LTA4H: variants seen among roughly 807,000 people sequenced by gnomAD.
LTA4H encodes leukotriene A4 hydrolase, also known as leukotriene A-4 hydrolase.
In LTA4H, 59 loss-of-function variants were observed where a neutral mutation model predicts 89.8. The ratio of observed to expected loss-of-function variants is 0.66; its 90% CI spans 0.53 to 0.82. The LOEUF is 0.82. Among genes scored for constraint, LTA4H ranks in the 40% least tolerant of loss-of-function variants. LTA4H has a pLI of 0.00. For missense variants in LTA4H, 617 were observed against 727.0 expected, an observed-to-expected ratio of 0.85 and a Z score of 1.74; for synonymous variants, 227 against 253.1, an observed-to-expected ratio of 0.90 and a Z score of 0.98.
At chr12:96,008,111 G>A (rs780119120) in intron 15 of LTA4H, among the ~76,000 whole-genome samples, 2 of 152,174 alleles carry the variant, frequency 1.3e-5, no homozygotes, top group Non-Finnish European at 2.9e-5. Context: ...GTACCTGGGT[G>A]ATGGGATCAA....
intron 1 of LTA4H, among the ~76,000 whole-genome samples, chr12:96,033,515 C>A (rs2300557): frequency 6.6e-6 from 1 of 152,058 alleles, no homozygotes; most frequent in African/African-American, 2.4e-5. Context: ...GAATGTAGGA[C>A]GTATAAACTC....
chr12:96,000,904 T>A lies in LTA4H; in HGVS notation c.*85A>T. 1 of 1,007,258 alleles carries A rather than the reference T, an allele frequency of 9.9e-7. No homozygotes were observed. The highest frequency in any genetic ancestry group is 1.5e-6 in the Non-Finnish European group (1 of 646,582). 62.4% of individuals were successfully genotyped at this position (1,007,258 alleles called of 1,614,324 possible). On this transcript the variant is annotated 3_prime_UTR_variant, in exon 19 of 19. Transcript: ENST00000228740. ...TAAAAAGCCAAAACTAAAAAGACAG[T>A]TTTAATTGTGAGCTGAAGTTTTATA... is the stretch of plus-strand genomic sequence containing the variant.
chr12:96,017,490 G>T, intron 9 of LTA4H, 67 bp downstream of exon 9: 1 of 1,301,578 alleles, frequency 7.7e-7, no homozygotes, highest in South Asian at 1.2e-5. Context: ...AAATACAAGG[G>T]ATATTTTAAA....
At chr12:96,021,060 C>T in intron 6 of LTA4H, 25 bp downstream of exon 6, 2 of 1,595,328 alleles carry the variant, frequency 1.3e-6, no homozygotes, top group Non-Finnish European at 1.7e-6. Context: ...TTTCCACAAA[C>T]CTGAAAATTT....
intron 10 of LTA4H, among the ~76,000 whole-genome samples, chr12:96,016,390 C>G (rs915133596): frequency 6.7e-6 from 1 of 149,388 alleles, no homozygotes; most frequent in African/African-American, 2.5e-5. Context: ...GTGGGCGGAT[C>G]ACTTGAGCTC....
At chr12:96,033,959 C>T (rs902538061) in intron 1 of LTA4H, among the ~76,000 whole-genome samples, 1 of 152,186 alleles carries the variant, frequency 6.6e-6, no homozygotes, top group Non-Finnish European at 1.5e-5. Context: ...AATTTTCTTT[C>T]TTATGGTACT....
chr12:96,005,960 C>A (rs1392912805), intron 16 of LTA4H, among the ~76,000 whole-genome samples: 1 of 152,010 alleles, frequency 6.6e-6, no homozygotes, highest in Non-Finnish European at 1.5e-5. Flanking sequence ...GTTGGCCAGG[C>A]TGGTCTCGAA....
At chr12:96,003,329 C>T (rs1482817913) in intron 17 of LTA4H, among the ~76,000 whole-genome samples, 2 of 152,004 alleles carry the variant, frequency 1.3e-5, no homozygotes, top group East Asian at 3.9e-4. Context: ...GCTCACATAC[C>T]TTATAAATCC....
chr12:96,010,042 C>T (rs879936621), intron 14 of LTA4H: 1 of 152,224 alleles, frequency 6.6e-6, no homozygotes, highest in Non-Finnish European at 1.5e-5. Context: ...CTGTGGACTG[C>T]AGGCATGCCA....
chr12:96,035,779 G>A (rs754848178), upstream of LTA4H: 3 of 667,832 alleles, frequency 4.5e-6, no homozygotes, highest in South Asian at 6.3e-5. Context: ...GGGGGACCAA[G>A]CGTGCTCCTG....
chr12:96,041,184 G>T (rs893002544), intron 1 of LTA4H, among the ~76,000 whole-genome samples: 1 of 151,784 alleles, frequency 6.6e-6, no homozygotes, highest in Non-Finnish European at 1.5e-5. Flanking sequence ...TATTATATTT[G>T]TATGCTTTTA....
Position 96,021,016 on chromosome 12 carries a change from C to A in LTA4H, c.638+69G>T, listed in dbSNP as rs1482238011. On this transcript the variant is annotated intron_variant, in intron 6 of 18. Transcript: ENST00000228740. ...ATATGCAAATGATTGACCAATTAACCTTGAGAGAAGTTCAAGATGCCTAAG... is the reference window on the plus strand; with the variant it reads ...ATATGCAAATGATTGACCAATTAACATTGAGAGAAGTTCAAGATGCCTAAG... 1.0e-5 allele frequency: 13 copies of A among 1,242,342 alleles called. No individual in the cohort carries two copies. The South Asian group carries it at 1.4e-4, about 13-fold the overall frequency. The allele number at this position is 1,242,342 out of a possible 1,614,324, so 77.0% of individuals were successfully genotyped here. A position where few individuals can be genotyped will look rare whatever the true frequency, so the allele number is the denominator to read the frequency against.
chr12:96,035,010 A>T (rs1950621597), intron 1 of LTA4H, among the ~76,000 whole-genome samples: 1 of 152,248 alleles, frequency 6.6e-6, no homozygotes, highest in South Asian at 2.1e-4. Context: ...GGGCTACTGC[A>T]AAGATGACAC....
In LTA4H at chr12:96,001,053, T is replaced by TC; in HGVS notation, c.1771dup (p.Glu591GlyfsTer36). Reference sequence around the variant, plus strand: ...CACGGGATGCATGCTTGCTTTGTGCTCTTGGTAGGTTCGGACAGCTTGATC... The same window carrying TC: ...CACGGGATGCATGCTTGCTTTGTGCTCCTTGGTAGGTTCGGACAGCTTGATC... On this transcript the variant is annotated frameshift_variant, in exon 19 of 19. Transcript: ENST00000228740. LOFTEE classifies it high-confidence loss of function. The TC allele has an allele frequency of 6.2e-7, 1 of 1,614,124 alleles. No homozygotes were observed. The highest frequency in any genetic ancestry group is 8.5e-7 in the Non-Finnish European group (1 of 1,180,024).
At position 96,041,991 on chromosome 12, in the gene LTA4H, T is replaced by G. The variant is rs568706891; in HGVS notation, c.87+1298A>C. Among the ~76,000 whole-genome samples, 511 of 144,776 alleles carry G rather than the reference T, an allele frequency of 3.5e-3. 2 individuals carry two copies. Among genetic ancestry groups the G allele is most frequent in the Non-Finnish European group, 5.5e-3 (368 of 66,736 alleles). The allele number at this position is 144,776 out of a possible 152,430, so 95.0% of individuals were successfully genotyped here. On this transcript the variant is annotated intron_variant, in intron 1 of 17. Transcript: ENST00000413268. ...GTTTCTTTTTGTTTTTTTTTCTTTT[T>G]TTTTTTTTTTTTGACAGGGTCTTGC...
In LTA4H at chr12:96,006,464, T is replaced by C. The variant is rs181324888; in HGVS notation, c.1435-55A>G. 141 of 979,132 alleles carry C rather than the reference T, an allele frequency of 1.4e-4. No individual in the cohort carries two copies. In the African/African-American group the frequency reaches 1.9e-3, roughly 13 times the overall value. The allele number at this position is 979,132 out of a possible 1,614,324, so 60.7% of individuals were successfully genotyped here. A position where few individuals can be genotyped will look rare whatever the true frequency, so the allele number is the denominator to read the frequency against. On this transcript the variant is annotated intron_variant, in intron 15 of 18. Coordinates refer to ENST00000228740, the MANE Select transcript of LTA4H (RefSeq NM_000895.3). ...TTCAAGTACAATTTAATAATACTTA[T>C]TGGTTTATCTGACATAAAAGTAAAA...
rs1229346855 is a variant in LTA4H at position 96,027,428 on chromosome 12, C to T, written c.411+16G>A. On this transcript the variant is annotated intron_variant, in intron 3 of 18. Transcript: ENST00000228740. ...GAAATTTTCTGCATCAGAAATCATT[C>T]TGGAATCCTTTTTACCTGGCACTGA... 1.3e-6 allele frequency: 2 copies of T among 1,560,086 alleles called. No individual in the cohort carries two copies. Among genetic ancestry groups the T allele is most frequent in the Non-Finnish European group, 1.7e-6 (2 of 1,159,458 alleles).
intron 15 of LTA4H, among the ~76,000 whole-genome samples, chr12:96,007,240 T>C (rs1950217168): frequency 6.6e-6 from 1 of 152,206 alleles, no homozygotes; most frequent in African/African-American, 2.4e-5. Context: ...GAACTCTCTT[T>C]AATAGCAATA....
upstream of LTA4H, among the ~76,000 whole-genome samples, chr12:96,035,972 G>A (rs530300560): frequency 2.0e-5 from 3 of 152,272 alleles, no homozygotes; most frequent in South Asian, 4.1e-4. Context: ...AGGGCGGGGC[G>A]GAGCAAAAAC....
Sources: gnomAD v4.1 joint callset for allele counts (sites outside exome capture counted in the v4.1 genomes callset) on GRCh38, gnomAD v4.1.1 for gene constraint, MANE v1.5 for transcripts, NCBI Gene and HGNC (gene_info 2026-07-23, HGNC 2026-07-21) for gene names.